The following WDR7 variants were observed in gnomAD, a reference collection of about 807,000 sequenced individuals.
WDR7 encodes the protein WD repeat-containing protein 7.
Under a neutral mutation model 169.4 loss-of-function variants are expected in WDR7, and 46 were observed. The observed-to-expected ratio is 0.27, with a 90% CI of 0.21 to 0.35. The LOEUF is 0.35. WDR7 is among the 10% of genes least tolerant of loss of function. The pLI is 1.00. For missense variants in WDR7, 1,534 were observed against 1,859.3 expected, an observed-to-expected ratio of 0.83 and a Z score of 3.22; for synonymous variants, 612 against 666.8, an observed-to-expected ratio of 0.92 and a Z score of 1.27.
At chr18:56,985,103 C>G (rs2047695669) in intron 26 of WDR7, among the ~76,000 whole-genome samples, 1 of 152,114 alleles carries the variant, frequency 6.6e-6, no homozygotes, top group African/African-American at 2.4e-5. Flanking sequence ...CTTAGAACAC[C>G]ACAGTGTTTC....
chr18:56,827,581 G>A (rs541655650), intron 20 of WDR7, among the ~76,000 whole-genome samples: 9 of 152,182 alleles, frequency 5.9e-5, no homozygotes, highest in Admixed American at 5.2e-4. Context: ...GGGGTTGGGG[G>A]AGGGGTGGTT....
At chr18:56,845,994 AAAAATAT>A (rs1373747783) in intron 20 of WDR7, among the ~76,000 whole-genome samples, 1 of 152,192 alleles carries the variant, frequency 6.6e-6, no homozygotes, top group Non-Finnish European at 1.5e-5. Flanking sequence ...TGCTTTTTAT[AAAAATAT>A]AAAATGTTCT....
At chr18:56,951,823 G>A (rs191049817) in intron 25 of WDR7, among the ~76,000 whole-genome samples, 329 of 151,886 alleles carry the variant, frequency 2.2e-3, no homozygotes, top group African/African-American at 6.7e-3. Context: ...TTAATCTTAG[G>A]ACCCCTTTAA....
chr18:56,718,998 T>C (rs562161567), intron 13 of WDR7, among the ~76,000 whole-genome samples: 123 of 152,366 alleles, frequency 8.1e-4, no homozygotes, highest in African/African-American at 2.9e-3. Context: ...GCTTCGGTAA[T>C]CTTTTATTTA....
rs2044511651 is a variant in WDR7 at position 56,792,705 on chromosome 18, G to T, written c.3190+11049G>T. 2.9e-5 allele frequency among the ~76,000 whole-genome samples: 4 copies of T among 139,992 alleles called. No homozygotes were observed. In the Admixed American group the frequency reaches 3.0e-4, roughly 11 times the overall value. The allele number at this position is 139,992 out of a possible 152,430, so 91.8% of individuals were successfully genotyped here. A position where few individuals can be genotyped will look rare whatever the true frequency, so the allele number is the denominator to read the frequency against. ...TTTTGGGGTTCTATCTAGCACAATT[G>T]AAAACTGCTTAATTATCTGCTCCCT... On this transcript the variant is annotated intron_variant, in intron 19 of 27. Coordinates refer to ENST00000254442, the MANE Select transcript of WDR7 (RefSeq NM_015285.3).
intron 26 of WDR7, among the ~76,000 whole-genome samples, chr18:56,996,505 T>C (rs1431935121): frequency 6.6e-6 from 1 of 152,254 alleles, no homozygotes; most frequent in Non-Finnish European, 1.5e-5. Flanking sequence ...TTTGGAAATG[T>C]AAAATTTTTA....
intron 20 of WDR7, among the ~76,000 whole-genome samples, chr18:56,854,010 G>A (rs1432839452): frequency 6.6e-6 from 1 of 152,092 alleles, no homozygotes; most frequent in Non-Finnish European, 1.5e-5. Context: ...TCTGATTCAT[G>A]TCTTCTGTAC....
chr18:56,974,072 A>G (rs1049862880), intron 26 of WDR7, among the ~76,000 whole-genome samples: 2 of 152,100 alleles, frequency 1.3e-5, no homozygotes, highest in African/African-American at 2.4e-5. Flanking sequence ...AAGACATACC[A>G]TTTTCTGTTT....
At chr18:56,854,898 A>G (rs1380315250) in intron 20 of WDR7, among the ~76,000 whole-genome samples, 5 of 152,182 alleles carry the variant, frequency 3.3e-5, no homozygotes, top group African/African-American at 1.2e-4. Context: ...GTATTCCAAC[A>G]TAATAACAAA....
rs559015632 is a variant in WDR7, at chr18:56,991,436, T to C, written c.4164+28907T>C. Among the ~76,000 whole-genome samples the C allele has an allele frequency of 1.9e-3, 290 of 152,296 alleles. 3 individuals are homozygous for C. The highest frequency in any genetic ancestry group is 5.1e-3 in the African/African-American group (211 of 41,574). ...CTAGGATTACAGGCATGAGCCACCA[T>C]GCCCGGCCTCATTTTTTAAATATTG... On this transcript the variant is annotated intron_variant, in intron 26 of 27. Coordinates refer to ENST00000254442, the MANE Select transcript of WDR7 (RefSeq NM_015285.3).
intron 21 of WDR7, among the ~76,000 whole-genome samples, chr18:56,912,899 C>T (rs1200230754): frequency 6.7e-5 from 10 of 149,964 alleles, no homozygotes; most frequent in Non-Finnish European, 8.9e-5. Context: ...TTTTTTGAGA[C>T]GGTCTCACTC....
At chr18:56,773,250 C>T (rs899602212) in intron 16 of WDR7, among the ~76,000 whole-genome samples, 2 of 151,990 alleles carry the variant, frequency 1.3e-5, no homozygotes, top group African/African-American at 4.8e-5. Context: ...TCTGGTAGTA[C>T]GATGCTAAAG....
In WDR7 at chr18:56,906,385, A is replaced by G. The variant is rs139077620; in HGVS notation, c.3527-17537A>G. The stretch of plus-strand genomic sequence containing the variant: ...AGATGTAAATAAGTGAAGGAAAGAA[A>G]AAAGGCATGAAAGAGACAAGAGAGG... On this transcript the variant is annotated intron_variant, in intron 21 of 27. Coordinates refer to ENST00000254442, the MANE Select transcript of WDR7 (RefSeq NM_015285.3). Among the ~76,000 whole-genome samples, 304 of 152,306 alleles carry G rather than the reference A, an allele frequency of 2.0e-3. 3 individuals are homozygous for G. In the East Asian group the frequency reaches 0.037, roughly 18 times the overall value.
chr18:56,887,765 T>G (rs999417591), intron 21 of WDR7, among the ~76,000 whole-genome samples: 3 of 152,210 alleles, frequency 2.0e-5, no homozygotes, highest in Non-Finnish European at 4.4e-5. Context: ...GATGTCTTAA[T>G]TAAATTTAAA....
At chr18:56,794,302 C>CTTTTTTTTT (rs1217568621) in intron 19 of WDR7, among the ~76,000 whole-genome samples, 2 of 29,466 alleles carry the variant, frequency 6.8e-5, no homozygotes, top group Non-Finnish European at 9.1e-5. Context: ...AAGGTAAAGT[C>CTTTTTTTTT]TATTTTTTTT....
At chr18:56,878,598 C>T (rs972464615) in intron 20 of WDR7, among the ~76,000 whole-genome samples, 2 of 152,070 alleles carry the variant, frequency 1.3e-5, no homozygotes, top group African/African-American at 4.8e-5. Flanking sequence ...TAAAATTCAT[C>T]CTTTTAAAAT....
chr18:57,031,163 T>C (rs1272831337), downstream of WDR7: 1 of 152,256 alleles, frequency 6.6e-6, no homozygotes, highest in East Asian at 1.9e-4. Flanking sequence ...GCAATTCATG[T>C]TGATTCTGCC....
intron 20 of WDR7, among the ~76,000 whole-genome samples, chr18:56,847,384 A>G (rs1216544984): frequency 6.6e-6 from 1 of 152,182 alleles, no homozygotes; most frequent in Non-Finnish European, 1.5e-5. Context: ...AAGTGACTTA[A>G]AGTTGGAACT....
chr18:56,733,398 T>C (rs573865089), intron 14 of WDR7, among the ~76,000 whole-genome samples: 1 of 152,252 alleles, frequency 6.6e-6, no homozygotes, highest in Non-Finnish European at 1.5e-5. Context: ...CTTTCTAACC[T>C]CAGGAGAAAT....
Sources: allele counts gnomAD v4.1 joint callset (sites outside exome capture counted in the v4.1 genomes callset), GRCh38; gene constraint gnomAD v4.1.1; transcripts MANE v1.5; gene names NCBI Gene and HGNC (gene_info 2026-07-23, HGNC 2026-07-21).